RFC1: variants seen among roughly 807,000 people sequenced by gnomAD.
RFC1 encodes A1 140 kDa subunit.
A neutral mutation model predicts 137.4 loss-of-function variants in RFC1; 37 were observed. The ratio of observed to expected loss-of-function variants is 0.27; its 90% CI spans 0.21 to 0.35. The LOEUF is 0.35. Ranked by LOEUF, RFC1 falls within the 10% of genes least tolerant of loss-of-function variation. RFC1 has a pLI of 1.00. For synonymous variants in RFC1, 429 were observed against 455.7 expected (o/e 0.94, Z 0.75); for missense variants, 1,205 against 1,358.5 (o/e 0.89, Z 1.78).
chr4:39,295,494 A>T lies in RFC1; in HGVS notation c.2954+120T>A, dbSNP rs1737932389. ...ATAAGGAACTTATCCAGGATCATTC[A>T]TCTAGTTACCAATAAAATAAAAACT... is the stretch of plus-strand genomic sequence containing the variant. On this transcript the variant is annotated intron_variant, in intron 22 of 24. Transcript: ENST00000349703. 26 of 758,358 alleles carry T rather than the reference A, an allele frequency of 3.4e-5. No individual in the cohort carries two copies. In the South Asian group the frequency reaches 6.6e-4, roughly 19 times the overall value. The allele number at this position is 758,358 out of a possible 1,614,324, so 47.0% of individuals were successfully genotyped here. A position where few individuals can be genotyped will look rare whatever the true frequency, so the allele number is the denominator to read the frequency against.
At chr4:39,307,984 A>G (rs1002726124) in intron 13 of RFC1, among the ~76,000 whole-genome samples, 9 of 152,324 alleles carry the variant, frequency 5.9e-5, no homozygotes, top group African/African-American at 2.2e-4. Context: ...AATACTTTGG[A>G]CATTAAATAC....
rs759159859 is a variant in RFC1, at chr4:39,308,652, G to A, written c.1869C>T (p.Ser623=). 1.1e-5 allele frequency: 18 copies of A among 1,608,960 alleles called. No homozygotes were observed. The highest frequency in any genetic ancestry group is 5.5e-5 in the South Asian group (5 of 90,674). ...TAAAATCACCGTGTTTTTTATCTTCGGAAGAACTCTTTTGCCAGTTTCGGA... is the reference window on the plus strand; with the variant it reads ...TAAAATCACCGTGTTTTTTATCTTCAGAAGAACTCTTTTGCCAGTTTCGGA... ...RWLRNWQKSS[S]EDKKHAKFGK... Residue 623 remains serine (S), a synonymous_variant, in exon 13 of 25, where the codon TCC becomes TCT. Transcript: ENST00000349703.
At position 39,316,915 on chromosome 4, in the gene RFC1, C is replaced by T. The variant is rs1739265788; in HGVS notation, c.1203G>A (p.Lys401=). ...TGGCATGCCCTCTCAGTACTCTTAC[C>T]TTTGGTATTTCTTTGGAGCCCAGAG... ...PKALGSKEIP[K]GAENCLEGLI... is the part of the protein sequence containing the mutation. Residue 401 remains lysine (K), a splice_region_variant and synonymous_variant, in exon 10 of 25, where the codon AAG becomes AAA. Transcript: ENST00000349703. 1 of 1,606,922 alleles carries T rather than the reference C, an allele frequency of 6.2e-7. No homozygotes were observed. The highest frequency in any genetic ancestry group is 1.1e-5 in the South Asian group (1 of 90,890).
At position 39,329,484 on chromosome 4, in the gene RFC1, G is replaced by A. The variant is rs563155010; in HGVS notation, c.332-1728C>T. 1.6e-4 allele frequency among the ~76,000 whole-genome samples: 25 copies of A among 151,988 alleles called. 1 individual carries two copies. The highest frequency in any genetic ancestry group is 4.3e-4 in the African/African-American group (18 of 41,442). On this transcript the variant is annotated intron_variant, in intron 4 of 24. Transcript: ENST00000349703. ...GCGCGCCTGTAGTCCCAGCTACTCC[G>A]GAGGCAGAGGCAGAGGGTGCAGTGA...
intron 4 of RFC1, among the ~76,000 whole-genome samples, chr4:39,331,531 T>C (rs1442246853): frequency 1.3e-5 from 2 of 151,862 alleles, no homozygotes; most frequent in Non-Finnish European, 2.9e-5. Flanking sequence ...ACCATAACAA[T>C]GGCAGTACAA....
intron 7 of RFC1, among the ~76,000 whole-genome samples, chr4:39,322,733 C>T (rs1435907735): frequency 1.3e-5 from 2 of 151,092 alleles, no homozygotes; most frequent in Admixed American, 6.6e-5. Context: ...GTGCTATGAA[C>T]GTGCCAGTGT....
chr4:39,362,036 CA>C (rs35670786), intron 1 of RFC1, among the ~76,000 whole-genome samples: 29 of 148,196 alleles, frequency 2.0e-4, no homozygotes, highest in Non-Finnish European at 3.6e-4. Context: ...GAGACTGTCT[CA>C]AAAAAAAAGA....
At position 39,291,780 on chromosome 4, in the gene RFC1, C is replaced by T. The variant is rs745785185; in HGVS notation, c.3027G>A (p.Leu1009=). The change falls in exon 23 of 25, where the codon TTG becomes TTA. Residue 1009 remains leucine (L), a synonymous_variant. Transcript: ENST00000349703. ...SLLRDALVQP[L]TSQGVDGVQD... The stretch of plus-strand genomic sequence containing the variant: ...GTACTCCGTCTACTCCTTGTGAGGT[C>T]AAGGGCTGTACAAGTGCATCCCTTA... 6.2e-7 allele frequency: 1 copy of T among 1,613,856 alleles called. No individual in the cohort carries two copies.
intron 10 of RFC1, among the ~76,000 whole-genome samples, chr4:39,315,521 A>C (rs1178083019): frequency 6.6e-6 from 1 of 152,144 alleles, no homozygotes; most frequent in Admixed American, 6.6e-5. Context: ...TTCTGTTCTA[A>C]GCTCCAGTCC....
chr4:39,347,293 G>A (rs564155956), intron 2 of RFC1, among the ~76,000 whole-genome samples: 1 of 152,338 alleles, frequency 6.6e-6, no homozygotes, highest in African/African-American at 2.4e-5. Flanking sequence ...CTAATCAGCT[G>A]AAAGCCTGGA....
chr4:39,330,478 T>C (rs2109697585), intron 4 of RFC1, among the ~76,000 whole-genome samples: 1 of 152,082 alleles, frequency 6.6e-6, no homozygotes, highest in South Asian at 2.1e-4. Flanking sequence ...AGCTCACCCC[T>C]CCCTCCAAGG....
At chr4:39,331,713 G>GACAT (rs1169922349) in intron 4 of RFC1, among the ~76,000 whole-genome samples, 1 of 152,182 alleles carries the variant, frequency 6.6e-6, no homozygotes, top group African/African-American at 2.4e-5. Flanking sequence ...AAAAGCAGAT[G>GACAT]ACATAACAGT....
At chr4:39,355,098 TACACACACACACAC>T (rs59438877) in intron 1 of RFC1, among the ~76,000 whole-genome samples, 1,306 of 88,994 alleles carry the variant, frequency 0.015, 29 homozygotes, top group African/African-American at 0.055. Context: ...AAAAAAAAAA[TACACACACACACAC>T]ACACACACAC....
At chr4:39,342,246 A>G in intron 4 of RFC1, 99 bp downstream of exon 4, 1 of 1,354,730 alleles carries the variant, frequency 7.4e-7, no homozygotes, top group Non-Finnish European at 9.9e-7. Flanking sequence ...AAAAGGCAGT[A>G]GAAATTCCAT....
At chr4:39,299,185 C>T (rs993796858) in intron 21 of RFC1, among the ~76,000 whole-genome samples, 15 of 152,186 alleles carry the variant, frequency 9.9e-5, no homozygotes, top group African/African-American at 3.4e-4. Flanking sequence ...TCCTTTAATT[C>T]GGCCCATCCC....
chr4:39,338,945 T>C (rs1039511028), intron 4 of RFC1, among the ~76,000 whole-genome samples: 4 of 152,188 alleles, frequency 2.6e-5, no homozygotes. Flanking sequence ...CAACCACTGT[T>C]GCATTCTCTA....
chr4:39,345,489 C>T lies in RFC1; in HGVS notation c.133-13G>A. ...GGGAGCTATTTACCTATAAACATCA[C>T]AATATAATTAGAACATAAAGAAGCC... On this transcript the variant is annotated splice_polypyrimidine_tract_variant and intron_variant, in intron 2 of 24. Transcript: ENST00000349703. The T allele has an allele frequency of 1.3e-6, 2 of 1,589,726 alleles. No homozygotes were observed. Among genetic ancestry groups the T allele is most frequent in the Non-Finnish European group, 1.7e-6 (2 of 1,164,008 alleles).
Position 39,308,620 on chromosome 4 carries a change from G to C in RFC1, c.1885+16C>G. ...GATATACACACACACAAAAATGAGT[G>C]AGGTTGTAAAATCACCGTGTTTTTT... is the stretch of plus-strand genomic sequence containing the variant. On this transcript the variant is annotated intron_variant, in intron 13 of 24. Coordinates refer to ENST00000349703, the MANE Select transcript of RFC1 (RefSeq NM_002913.5). 6.3e-7 allele frequency: 1 copy of C among 1,600,000 alleles called. No individual in the cohort carries two copies. Among genetic ancestry groups the C allele is most frequent in the Non-Finnish European group, 8.5e-7 (1 of 1,171,356 alleles).
intron 22 of RFC1, among the ~76,000 whole-genome samples, chr4:39,295,337 G>T (rs954235714): frequency 2.6e-5 from 4 of 152,172 alleles, no homozygotes; most frequent in African/African-American, 7.2e-5. Flanking sequence ...CAGTAACAGT[G>T]CCACCTCAGA....
Sources: gnomAD v4.1 joint callset for allele counts (sites outside exome capture counted in the v4.1 genomes callset) on GRCh38, gnomAD v4.1.1 for gene constraint, MANE v1.5 for transcripts, NCBI Gene and HGNC (gene_info 2026-07-23, HGNC 2026-07-21) for gene names.